Variants in MACROD2 observed in about 807,000 individuals in gnomAD.
MACROD2 encodes mono-ADP ribosylhydrolase 2.
A neutral mutation model predicts 70.4 loss-of-function variants in MACROD2; 36 were observed. The ratio of observed to expected loss-of-function variants is 0.51; its 90% CI spans 0.39 to 0.68. MACROD2 has a LOEUF of 0.68. Ranked by LOEUF, MACROD2 falls within the 30% of genes least tolerant of loss-of-function variation. The pLI, the probability that MACROD2 is intolerant of heterozygous loss-of-function variation, is 0.00. For synonymous variants in MACROD2, 172 were observed against 178.8 expected, an observed-to-expected ratio of 0.96 and a Z score of 0.30; for missense variants, 496 against 538.4, an observed-to-expected ratio of 0.92 and a Z score of 0.78.
chr20:16,006,027 G>T (rs1440057254), intron 15 of MACROD2, among the ~76,000 whole-genome samples: 1 of 152,134 alleles, frequency 6.6e-6, no homozygotes, highest in African/African-American at 2.4e-5. Flanking sequence ...ATCAGTTAAA[G>T]ACTTGAGCAA....
chr20:15,167,082 T>C (rs1220252959), intron 5 of MACROD2, among the ~76,000 whole-genome samples: 1 of 151,932 alleles, frequency 6.6e-6, no homozygotes, highest in African/African-American at 2.4e-5. Context: ...GCAAAAAGAA[T>C]CTTCAGAAAA....
intron 5 of MACROD2, among the ~76,000 whole-genome samples, chr20:15,224,330 A>C (rs1235452368): frequency 6.6e-6 from 1 of 152,242 alleles, no homozygotes; most frequent in African/African-American, 2.4e-5. Context: ...GGCTAAAGTA[A>C]TGAGATTCAT....
chr20:15,309,860 G>A (rs889807059), intron 6 of MACROD2, among the ~76,000 whole-genome samples: 3 of 152,104 alleles, frequency 2.0e-5, no homozygotes, highest in Non-Finnish European at 4.4e-5. Flanking sequence ...AATAAGAAGC[G>A]AATAAAGATT....
At chr20:14,807,490 G>A (rs985968218) in intron 5 of MACROD2, among the ~76,000 whole-genome samples, 1 of 152,056 alleles carries the variant, frequency 6.6e-6, no homozygotes, top group South Asian at 2.1e-4. Context: ...GAGGAAAAAC[G>A]AGTGCCAAAA....
At chr20:15,777,669 G>A in intron 8 of MACROD2, among the ~76,000 whole-genome samples, 1 of 144,554 alleles carries the variant, frequency 6.9e-6, no homozygotes, top group Admixed American at 7.0e-5. Flanking sequence ...TTTCGAGACA[G>A]AGTCTCACTC....
chr20:15,933,254 T>C (rs1422159688), intron 10 of MACROD2, 22 bp from the exon 11 acceptor site: 2 of 1,611,462 alleles, frequency 1.2e-6, no homozygotes, highest in African/African-American at 2.7e-5. Context: ...GCATTTTTTT[T>C]CCTCTGTGGT....
intron 5 of MACROD2, among the ~76,000 whole-genome samples, chr20:14,859,057 G>T (rs543810271): frequency 1.3e-5 from 2 of 151,968 alleles, no homozygotes; most frequent in African/African-American, 4.8e-5. Flanking sequence ...ATGATATAAT[G>T]GACTCTGGGG....
intron 5 of MACROD2, among the ~76,000 whole-genome samples, chr20:14,922,998 A>C (rs2074181823): frequency 6.6e-6 from 1 of 152,216 alleles, no homozygotes; most frequent in African/African-American, 2.4e-5. Flanking sequence ...GTTGCTTTTG[A>C]GTCAGAGTTA....
intron 8 of MACROD2, among the ~76,000 whole-genome samples, chr20:15,851,701 C>T (rs1013365047): frequency 1.3e-5 from 2 of 152,146 alleles, no homozygotes; most frequent in African/African-American, 4.8e-5. Flanking sequence ...TTCCGAGCTG[C>T]ATCAAATTGA....
intron 8 of MACROD2, among the ~76,000 whole-genome samples, chr20:15,635,612 C>T (rs949147309): frequency 3.3e-5 from 5 of 152,038 alleles, no homozygotes; most frequent in Non-Finnish European, 5.9e-5. Context: ...GGGAGGGGAG[C>T]GAGGGTTAAA....
intron 12 of MACROD2, among the ~76,000 whole-genome samples, chr20:15,951,377 CA>C (rs942321314): frequency 4.0e-5 from 6 of 150,460 alleles, no homozygotes; most frequent in African/African-American, 1.5e-4. Context: ...AGAAAGAGCA[CA>C]GGGGAAGATG....
At chr20:15,778,418 T>A (rs1340486705) in intron 8 of MACROD2, among the ~76,000 whole-genome samples, 1 of 152,096 alleles carries the variant, frequency 6.6e-6, no homozygotes, top group African/African-American at 2.4e-5. Context: ...CTCTTTAAAA[T>A]TTTTTAAATT....
intron 2 of MACROD2, among the ~76,000 whole-genome samples, chr20:14,074,817 G>GA (rs1601190585): frequency 6.6e-6 from 1 of 152,180 alleles, no homozygotes. Context: ...ACTGTGGTCT[G>GA]AAAATATTAG....
intron 5 of MACROD2, among the ~76,000 whole-genome samples, chr20:15,121,882 T>A (rs768816905): frequency 2.2e-4 from 34 of 152,172 alleles, no homozygotes; most frequent in Non-Finnish European, 1.6e-4. Context: ...GGTTAGGATG[T>A]TGCTACATCA....
chr20:14,281,385 A>T (rs2082305089), intron 3 of MACROD2, among the ~76,000 whole-genome samples: 1 of 152,302 alleles, frequency 6.6e-6, no homozygotes, highest in East Asian at 1.9e-4. Flanking sequence ...ATAGAAACAG[A>T]AGTAGATTAG....
intron 8 of MACROD2, among the ~76,000 whole-genome samples, chr20:15,829,426 A>G (rs1415042598): frequency 6.6e-6 from 1 of 152,152 alleles, no homozygotes; most frequent in African/African-American, 2.4e-5. Flanking sequence ...GAAAACATGG[A>G]TCTAAAAACA....
chr20:15,909,335 G>C (rs2065197818), intron 10 of MACROD2, among the ~76,000 whole-genome samples: 1 of 152,034 alleles, frequency 6.6e-6, no homozygotes, highest in African/African-American at 2.4e-5. Flanking sequence ...CATTCTATTG[G>C]TTGAGGTTAA....
chr20:14,226,695 C>T (rs1250223942), intron 3 of MACROD2, among the ~76,000 whole-genome samples: 1 of 152,196 alleles, frequency 6.6e-6, no homozygotes, highest in Non-Finnish European at 1.5e-5. Flanking sequence ...GCAGTGCCAG[C>T]CCACCGGCGC....
intron 3 of MACROD2, among the ~76,000 whole-genome samples, chr20:14,336,324 A>G (rs1361738117): frequency 6.6e-6 from 1 of 152,138 alleles, no homozygotes; most frequent in Non-Finnish European, 1.5e-5. Context: ...AAAAATTGAA[A>G]AAAAAATCAA....
Sources: gnomAD v4.1 joint callset for allele counts (sites outside exome capture counted in the v4.1 genomes callset) on GRCh38, gnomAD v4.1.1 for gene constraint, MANE v1.5 for transcripts, NCBI Gene and HGNC (gene_info 2026-07-23, HGNC 2026-07-21) for gene names.